PDSS2: variants seen among roughly 807,000 people sequenced by gnomAD.
PDSS2 encodes decaprenyl diphosphate synthase subunit 2, also known as all trans-polyprenyl-diphosphate synthase PDSS2.
A neutral mutation model predicts 44.5 loss-of-function variants in PDSS2; 31 were observed. That is an observed-to-expected ratio of 0.70 (90% CI 0.52 to 0.94). The LOEUF (loss-of-function observed/expected upper bound fraction) is 0.94, where lower values mean the gene tolerates loss of function less well. Ranked by LOEUF, PDSS2 falls within the 40% of genes least tolerant of loss-of-function variation. The pLI is 0.00. For missense variants in PDSS2, 452 were observed against 482.2 expected (o/e 0.94, Z 0.59); for synonymous variants, 157 against 180.3 (o/e 0.87, Z 1.03).
At chr6:107,371,600 A>G (rs1779130111) in intron 1 of PDSS2, among the ~76,000 whole-genome samples, 1 of 152,188 alleles carries the variant, frequency 6.6e-6, no homozygotes, top group African/African-American at 2.4e-5. Context: ...GAATTAGGTC[A>G]CTTCAGAGTG....
intron 7 of PDSS2, among the ~76,000 whole-genome samples, chr6:107,155,061 G>C (rs1554245310): frequency 6.6e-6 from 1 of 151,672 alleles, no homozygotes; most frequent in African/African-American, 2.4e-5. Flanking sequence ...CTTGAAATGT[G>C]CCATGCTGGG....
chr6:107,349,532 T>C (rs1177266525), intron 1 of PDSS2, among the ~76,000 whole-genome samples: 1 of 151,664 alleles, frequency 6.6e-6, no homozygotes, highest in African/African-American at 2.4e-5. Flanking sequence ...ATGGATCACC[T>C]GAGGTCAGGA....
At chr6:107,327,622 A>G (rs1777589024) in intron 2 of PDSS2, among the ~76,000 whole-genome samples, 1 of 151,952 alleles carries the variant, frequency 6.6e-6, no homozygotes, top group Non-Finnish European at 1.5e-5. Flanking sequence ...ATGCCCAGCT[A>G]ATTTTTTTGT....
intron 1 of PDSS2, among the ~76,000 whole-genome samples, chr6:107,426,420 C>G (rs1209624577): frequency 6.6e-6 from 1 of 152,206 alleles, no homozygotes; most frequent in Admixed American, 6.5e-5. Context: ...GGGGCGGAGC[C>G]CTCATGGAGA....
intron 4 of PDSS2, among the ~76,000 whole-genome samples, chr6:107,231,451 C>T (rs891300551): frequency 6.6e-6 from 1 of 152,216 alleles, no homozygotes; most frequent in Admixed American, 6.5e-5. Flanking sequence ...CTTGTTTCCA[C>T]TGCCAACAAT....
chr6:107,350,716 G>A (rs545243669), intron 1 of PDSS2, among the ~76,000 whole-genome samples: 2 of 152,208 alleles, frequency 1.3e-5, no homozygotes, highest in East Asian at 3.9e-4. Flanking sequence ...AGGCTGAGAT[G>A]CGAGGACTGC....
At chr6:107,341,634 TACAA>T (rs1326189245) in intron 1 of PDSS2, among the ~76,000 whole-genome samples, 2 of 152,128 alleles carry the variant, frequency 1.3e-5, no homozygotes, top group Non-Finnish European at 2.9e-5. Flanking sequence ...ATGTTCTAGC[TACAA>T]ACAAATAAAA....
chr6:107,191,382 C>T (rs1772375187), intron 7 of PDSS2, among the ~76,000 whole-genome samples: 1 of 152,026 alleles, frequency 6.6e-6, no homozygotes, highest in Non-Finnish European at 1.5e-5. Context: ...GAGTTGGAGT[C>T]AAGAAAATGT....
chr6:107,250,698 T>C (rs1303265708), intron 3 of PDSS2, among the ~76,000 whole-genome samples: 1 of 152,148 alleles, frequency 6.6e-6, no homozygotes, highest in African/African-American at 2.4e-5. Flanking sequence ...GCATTCTGGA[T>C]AGACAAGTTG....
At chr6:107,222,942 C>T (rs1377897783) in intron 4 of PDSS2, among the ~76,000 whole-genome samples, 2 of 149,542 alleles carry the variant, frequency 1.3e-5, no homozygotes, top group African/African-American at 2.5e-5. Context: ...CCTGTCTCTA[C>T]AAAAAAAATT....
chr6:107,261,946 T>C (rs1472111158), intron 3 of PDSS2, among the ~76,000 whole-genome samples: 1 of 143,848 alleles, frequency 7.0e-6, no homozygotes, highest in Non-Finnish European at 1.5e-5. Flanking sequence ...TCTGGCTCTG[T>C]TGCCCAGGCT....
At chr6:107,395,302 T>A (rs1436009050) in intron 1 of PDSS2, among the ~76,000 whole-genome samples, 2 of 152,176 alleles carry the variant, frequency 1.3e-5, no homozygotes, top group Non-Finnish European at 2.9e-5. Flanking sequence ...TTGTGGCCTA[T>A]TGAGCTTCTT....
intron 7 of PDSS2, among the ~76,000 whole-genome samples, chr6:107,168,177 T>A (rs1771424353): frequency 6.6e-6 from 1 of 152,182 alleles, no homozygotes; most frequent in East Asian, 1.9e-4. Context: ...TGGGTGCATA[T>A]ATATTTAGGA....
At chr6:107,292,819 T>C (rs913568342) in intron 2 of PDSS2, among the ~76,000 whole-genome samples, 12 of 152,166 alleles carry the variant, frequency 7.9e-5, no homozygotes, top group African/African-American at 2.7e-4. Flanking sequence ...TAGAAACAGT[T>C]ATGTGGGGCT....
intron 1 of PDSS2, among the ~76,000 whole-genome samples, chr6:107,409,350 C>G (rs1461352159): frequency 6.6e-6 from 1 of 151,930 alleles, no homozygotes; most frequent in African/African-American, 2.4e-5. Context: ...TCCCAAATTC[C>G]AATCGAAAAT....
chr6:107,188,613 G>A (rs6902190), intron 7 of PDSS2, among the ~76,000 whole-genome samples: 36,921 of 151,838 alleles, frequency 0.24, 5,477 homozygotes, highest in East Asian at 0.53. Context: ...TTGAAAAGTG[G>A]CCTCCATTGT....
At chr6:107,300,487 G>A (rs952854693) in intron 2 of PDSS2, among the ~76,000 whole-genome samples, 4 of 152,054 alleles carry the variant, frequency 2.6e-5, no homozygotes, top group Non-Finnish European at 2.9e-5. Context: ...GAAGGAGACC[G>A]CACCCACCTC....
At chr6:107,373,363 A>G (rs1196191648) in intron 1 of PDSS2, among the ~76,000 whole-genome samples, 1 of 152,072 alleles carries the variant, frequency 6.6e-6, no homozygotes, top group Non-Finnish European at 1.5e-5. Flanking sequence ...GGCCTCCAAA[A>G]GTTTAAATAA....
chr6:107,233,482 T>C (rs571744970), intron 4 of PDSS2, among the ~76,000 whole-genome samples: 2 of 152,242 alleles, frequency 1.3e-5, no homozygotes, highest in South Asian at 2.1e-4. Context: ...GCTCTATGGG[T>C]ACTATAGGAT....
Sources: allele counts gnomAD v4.1 joint callset (sites outside exome capture counted in the v4.1 genomes callset), GRCh38; gene constraint gnomAD v4.1.1; transcripts MANE v1.5; gene names NCBI Gene and HGNC (gene_info 2026-07-23, HGNC 2026-07-21).